Variants in CNKSR2 observed in about 807,000 individuals in gnomAD.
The protein encoded by CNKSR2 is CNK homolog protein 2.
CNKSR2 carries 14 observed loss-of-function variants against 84.4 expected under a neutral mutation model. That is an observed-to-expected ratio of 0.17 (90% confidence interval 0.11 to 0.26). The LOEUF is 0.26. Ranked by LOEUF, CNKSR2 falls within the 10% of genes least tolerant of loss-of-function variation. The pLI is 1.00. For synonymous variants in CNKSR2, 275 were observed against 277.9 expected (o/e 0.99, Z 0.10); for missense variants, 485 against 771.2 (o/e 0.63, Z 4.40).
intron 4 of CNKSR2, among the ~76,000 whole-genome samples, chrX:21,450,238 T>C (rs994757490): frequency 9.0e-6 from 1 of 111,711 alleles, no homozygotes; most frequent in African/African-American, 3.3e-5. Context: ...GCGTTAGTAC[T>C]AGGAAACTTA....
chrX:21,555,846 C>T (rs1326787184), intron 11 of CNKSR2, among the ~76,000 whole-genome samples: 1 of 111,072 alleles, frequency 9.0e-6, no homozygotes, highest in Non-Finnish European at 1.9e-5. Flanking sequence ...GTTTATTACC[C>T]TGAAACTTAA....
At position 21,374,794 on chromosome X, in the gene CNKSR2, A is replaced by G; in HGVS notation, c.-104A>G. 2.8e-6 allele frequency: 2 copies of G among 714,180 alleles called. No individual in the cohort carries two copies. The highest frequency in any genetic ancestry group is 2.2e-6 in the Non-Finnish European group (1 of 446,311). The allele number at this position is 714,180 out of a possible 1,213,427, so 58.9% of individuals were successfully genotyped here. A position where few individuals can be genotyped will look rare whatever the true frequency, so the allele number is the denominator to read the frequency against. On this transcript the variant is annotated 5_prime_UTR_variant, in exon 1 of 22. Coordinates refer to ENST00000379510, the MANE Select transcript of CNKSR2 (RefSeq NM_014927.5). The stretch of plus-strand genomic sequence containing the variant: ...GCCGCTTTCTCCGCGCCGCCCGCCC[A>G]GGGAGGCTGCGGCCAGCAAGGGACC...
At chrX:21,436,776 G>A (rs760958610) in intron 3 of CNKSR2, among the ~76,000 whole-genome samples, 24 of 110,774 alleles carry the variant, frequency 2.2e-4, no homozygotes, top group African/African-American at 7.2e-4. Flanking sequence ...GAGATCTATC[G>A]TTTTTACTCT....
chrX:21,571,258 A>C (rs2092281895), intron 13 of CNKSR2, among the ~76,000 whole-genome samples: 1 of 112,423 alleles, frequency 8.9e-6, no homozygotes, highest in Non-Finnish European at 1.9e-5. Flanking sequence ...AAAAAGTTTT[A>C]AATATTGTGA....
intron 14 of CNKSR2, 125 bp downstream of exon 14, chrX:21,590,745 C>T (rs183103640): frequency 3.0e-4 from 191 of 630,462 alleles, no homozygotes; most frequent in Non-Finnish European, 3.9e-4. Context: ...CCCCCTTGTG[C>T]GAAAGCTGCC....
chrX:21,548,652 C>T (rs1321666434), intron 11 of CNKSR2, among the ~76,000 whole-genome samples: 3 of 111,937 alleles, frequency 2.7e-5, no homozygotes, highest in African/African-American at 9.8e-5. Context: ...CCCTGGTGAA[C>T]ATCTATGTGA....
At chrX:21,560,239 A>C (rs1317118540) in intron 11 of CNKSR2, among the ~76,000 whole-genome samples, 1 of 111,204 alleles carries the variant, frequency 9.0e-6, no homozygotes, top group Non-Finnish European at 1.9e-5. Context: ...TAAGCATATG[A>C]CGACAGGAAT....
intron 7 of CNKSR2, among the ~76,000 whole-genome samples, chrX:21,500,483 T>C (rs1293683748): frequency 1.8e-5 from 2 of 111,434 alleles, no homozygotes; most frequent in Non-Finnish European, 3.8e-5. Flanking sequence ...ACAGCATTTA[T>C]GTTTGTGTGT....
At chrX:21,541,919 T>C (rs907111304) in intron 11 of CNKSR2, among the ~76,000 whole-genome samples, 3 of 111,956 alleles carry the variant, frequency 2.7e-5, no homozygotes, top group Non-Finnish European at 5.6e-5. Flanking sequence ...AATTTTTTAA[T>C]TGTAGGTAAA....
At chrX:21,404,645 C>G (rs1330149746) in intron 1 of CNKSR2, among the ~76,000 whole-genome samples, 1 of 107,924 alleles carries the variant, frequency 9.3e-6, no homozygotes, top group Non-Finnish European at 1.9e-5. Context: ...AAAAACTAGT[C>G]GGGCATGGTG....
At chrX:21,451,710 A>T in intron 4 of CNKSR2, among the ~76,000 whole-genome samples, 1 of 33,365 alleles carries the variant, frequency 3.0e-5, no homozygotes, top group Non-Finnish European at 5.0e-5. Context: ...GGGTGGGGGG[A>T]GGGGGGAGGG....
Position 21,374,886 on chromosome X carries a change from G to T in CNKSR2, c.-12G>T. On this transcript the variant is annotated 5_prime_UTR_variant, in exon 1 of 22. Transcript: ENST00000379510. The stretch of plus-strand genomic sequence containing the variant: ...TGAGCTCTGCGCTCTGCACGGAACC[G>T]ACCCCGTACCCATGGCTCTGATAAT... 2 of 1,206,743 alleles carry T rather than the reference G, an allele frequency of 1.7e-6. No individual in the cohort carries two copies. The highest frequency in any genetic ancestry group is 2.2e-6 in the Non-Finnish European group (2 of 890,555).
At chrX:21,518,268 T>G (rs1190024333) in intron 9 of CNKSR2, among the ~76,000 whole-genome samples, 2 of 111,123 alleles carry the variant, frequency 1.8e-5, no homozygotes, top group Non-Finnish European at 3.8e-5. Context: ...TCCCTAAAGA[T>G]CCTTCTTCAA....
At chrX:21,448,647 G>A (rs1269441091) in intron 4 of CNKSR2, among the ~76,000 whole-genome samples, 1 of 111,469 alleles carries the variant, frequency 9.0e-6, no homozygotes, top group African/African-American at 3.3e-5. Flanking sequence ...ATTATGTCTT[G>A]TACTTTCATT....
chrX:21,620,314 G>A (rs929666092), intron 20 of CNKSR2, among the ~76,000 whole-genome samples: 2 of 109,378 alleles, frequency 1.8e-5, no homozygotes, highest in African/African-American at 3.3e-5. Context: ...TGTGTCAGTG[G>A]TATCTCTCTG....
At chrX:21,432,193 G>A (rs2090642912) in intron 2 of CNKSR2, among the ~76,000 whole-genome samples, 1 of 111,260 alleles carries the variant, frequency 9.0e-6, no homozygotes, top group Non-Finnish European at 1.9e-5. Flanking sequence ...CTTTGGGGAA[G>A]CAGAATTATC....
chrX:21,633,217 G>A (rs1030525977), intron 20 of CNKSR2, among the ~76,000 whole-genome samples: 1 of 111,308 alleles, frequency 9.0e-6, no homozygotes, highest in South Asian at 3.8e-4. Context: ...CCCTTGATTT[G>A]CACATTCCTC....
chrX:21,654,271 G>GT lies in CNKSR2; in HGVS notation c.*1751dup, dbSNP rs1483500224. The GT allele has an allele frequency of 1.4e-4, 2 of 14,699 alleles. No individual in the cohort carries two copies. Among genetic ancestry groups the GT allele is most frequent in the Non-Finnish European group, 3.2e-4 (2 of 6,165 alleles). The allele number at this position is 14,699 out of a possible 1,213,427, so 1.2% of individuals were successfully genotyped here. A position where few individuals can be genotyped will look rare whatever the true frequency, so the allele number is the denominator to read the frequency against. On this transcript the variant is annotated 3_prime_UTR_variant, in exon 22 of 22. Transcript: ENST00000379510. ...ATTAAATTTGTGGGATTTTGTATAT[G>GT]TAAAAAAAAAAAAAAAAAAAAAACA...
At chrX:21,459,586 T>A (rs756104911) in intron 4 of CNKSR2, among the ~76,000 whole-genome samples, 11 of 110,545 alleles carry the variant, frequency 1.0e-4, no homozygotes, top group African/African-American at 3.6e-4. Context: ...ATGACAAGAA[T>A]CATGTTATAT....
Sources: allele counts gnomAD v4.1 joint callset (sites outside exome capture counted in the v4.1 genomes callset), GRCh38; gene constraint gnomAD v4.1.1; transcripts MANE v1.5; gene names NCBI Gene and HGNC (gene_info 2026-07-23, HGNC 2026-07-21).